The following SIL1 variants were observed in gnomAD, a reference collection of about 807,000 sequenced individuals.
SIL1 encodes the protein nucleotide exchange factor SIL1.
A neutral mutation model predicts 49.1 loss-of-function variants in SIL1; 40 were observed. The observed-to-expected ratio is 0.81, with a 90% CI of 0.63 to 1.06. The LOEUF (loss-of-function observed/expected upper bound fraction) is 1.06, where lower values mean the gene tolerates loss of function less well. SIL1 is among the 50% of genes least tolerant of loss of function. SIL1 has a pLI of 0.00. For synonymous variants in SIL1, 253 were observed against 250.8 expected (o/e 1.01, Z -0.08); for missense variants, 500 against 572.6 (o/e 0.87, Z 1.29).
At chr5:139,143,602 C>T (rs1430731212) in intron 1 of SIL1, among the ~76,000 whole-genome samples, 1 of 151,778 alleles carries the variant, frequency 6.6e-6, no homozygotes, top group African/African-American at 2.4e-5. Context: ...GAACTCCTGA[C>T]CTCAGGCAAT....
intron 1 of SIL1, among the ~76,000 whole-genome samples, chr5:139,169,874 G>GTCTCCCTCTGCCTCTTTCCACGGTCTCCC (rs1751705909): frequency 1.3e-5 from 2 of 151,056 alleles, no homozygotes; most frequent in Non-Finnish European, 3.0e-5. Context: ...TCTTTCCACG[G>GTCTCCCTCTGCCTCTTTCCACGGTCTCCC]TCTCCCTCTC....
intron 7 of SIL1, chr5:139,017,060 C>A (rs1443197086): frequency 6.6e-6 from 1 of 152,300 alleles, no homozygotes; most frequent in Non-Finnish European, 1.5e-5. Context: ...CCATGTTGCC[C>A]AGGTTGGTCT....
In SIL1 at chr5:139,037,411, T is replaced by C. The variant is rs141871625; in HGVS notation, c.453+5209A>G. The stretch of plus-strand genomic sequence containing the variant: ...ACCACATTTGGGAATTTGTTAGCCC[T>C]TGTTTCTTGATTATTTTCTAGCCCC... On this transcript the variant is annotated intron_variant, in intron 5 of 9. Transcript: ENST00000394817. Among the ~76,000 whole-genome samples, 503 of 152,316 alleles carry C rather than the reference T, an allele frequency of 3.3e-3. 2 individuals are homozygous for C. The highest frequency in any genetic ancestry group is 0.012 in the African/African-American group (489 of 41,572).
intron 3 of SIL1, among the ~76,000 whole-genome samples, chr5:139,112,820 G>A (rs1157595098): frequency 2.0e-5 from 3 of 152,168 alleles, no homozygotes; most frequent in Non-Finnish European, 4.4e-5. Flanking sequence ...CATTGAGAAC[G>A]GGCCATGATG....
chr5:139,000,250 AATGTGAC>A (rs1285953749), intron 7 of SIL1, among the ~76,000 whole-genome samples: 2 of 152,200 alleles, frequency 1.3e-5, no homozygotes, highest in East Asian at 3.8e-4. Context: ...TGATTCTGGT[AATGTGAC>A]ATATCACATT....
chr5:138,951,405 C>A (rs1766774986), intron 8 of SIL1, 70 bp from the exon 9 acceptor site: 1 of 1,500,324 alleles, frequency 6.7e-7, no homozygotes, highest in South Asian at 1.2e-5. Flanking sequence ...CCAGGGAAGG[C>A]AGGCAGAGGT....
intron 1 of SIL1, among the ~76,000 whole-genome samples, chr5:139,180,792 T>C (rs1018484946): frequency 6.6e-6 from 1 of 152,168 alleles, no homozygotes; most frequent in Non-Finnish European, 1.5e-5. Flanking sequence ...TCCTGCAGTG[T>C]AGCATGCCTT....
chr5:139,040,488 TTTCTTTTTTC>T lies in SIL1; in HGVS notation c.453+2122_453+2131del, dbSNP rs1435902636. Among the ~76,000 whole-genome samples the T allele has an allele frequency of 1.5e-4, 17 of 109,800 alleles. 1 individual carries two copies. Among genetic ancestry groups the T allele is most frequent in the Admixed American group, 1.1e-3 (11 of 10,000 alleles). 72.0% of individuals were successfully genotyped at this position (109,800 alleles called of 152,430 possible). On this transcript the variant is annotated intron_variant, in intron 5 of 9. Coordinates refer to ENST00000394817, the MANE Select transcript of SIL1 (RefSeq NM_022464.5). Reference sequence around the variant, plus strand: ...AAGGGGAGAGGAGTATTTTTTCTTTTTTCTTTTTTCTTTTTTTTTTTTTTTTTGAGACAGA... The same window carrying T: ...AAGGGGAGAGGAGTATTTTTTCTTTTTTTTTTTTTTTTTTTTTGAGACAGA...
At chr5:138,949,257 C>T (rs1766708179) in intron 9 of SIL1, among the ~76,000 whole-genome samples, 1 of 152,192 alleles carries the variant, frequency 6.6e-6, no homozygotes, top group African/African-American at 2.4e-5. Context: ...TGCAGAAGCC[C>T]AGATGTCAGG....
At chr5:139,175,148 C>T (rs1751853835) in intron 1 of SIL1, among the ~76,000 whole-genome samples, 1 of 152,040 alleles carries the variant, frequency 6.6e-6, no homozygotes, top group Non-Finnish European at 1.5e-5. Flanking sequence ...ATGGCAAAAC[C>T]CCGTCTCTAC....
At chr5:139,057,479 C>T (rs865865435) in intron 3 of SIL1, among the ~76,000 whole-genome samples, 1 of 151,880 alleles carries the variant, frequency 6.6e-6, no homozygotes, top group Admixed American at 6.6e-5. Context: ...GACTTTGTAC[C>T]CCCACCTGCC....
intron 3 of SIL1, among the ~76,000 whole-genome samples, chr5:139,118,444 A>G (rs1771045667): frequency 6.6e-6 from 1 of 152,128 alleles, no homozygotes; most frequent in South Asian, 2.1e-4. Context: ...ACTCCATACA[A>G]CAGCCTCCGC....
At chr5:139,121,758 A>T (rs545034510) in intron 2 of SIL1, among the ~76,000 whole-genome samples, 1 of 152,102 alleles carries the variant, frequency 6.6e-6, no homozygotes, top group Non-Finnish European at 1.5e-5. Flanking sequence ...AGTGGGAAGG[A>T]GAGAATCCAG....
At chr5:139,033,176 G>T (rs1046276239) in intron 5 of SIL1, among the ~76,000 whole-genome samples, 4 of 151,770 alleles carry the variant, frequency 2.6e-5, no homozygotes, top group Admixed American at 2.0e-4. Context: ...TTTACTTTTA[G>T]TAGAGAAGGG....
At chr5:139,120,105 C>T (rs886818055) in intron 3 of SIL1, among the ~76,000 whole-genome samples, 1 of 152,244 alleles carries the variant, frequency 6.6e-6, no homozygotes, top group Non-Finnish European at 1.5e-5. Flanking sequence ...GCAAATGCTG[C>T]CCTGCCAGCA....
intron 1 of SIL1, among the ~76,000 whole-genome samples, chr5:139,141,898 G>T (rs1751087058): frequency 6.6e-6 from 1 of 152,134 alleles, no homozygotes; most frequent in South Asian, 2.1e-4. Context: ...CAGCTGACTT[G>T]TTCTGATCTC....
At chr5:139,097,388 T>C (rs1307142159) in intron 3 of SIL1, among the ~76,000 whole-genome samples, 1 of 151,928 alleles carries the variant, frequency 6.6e-6, no homozygotes, top group African/African-American at 2.4e-5. Context: ...GGTTACAGCA[T>C]TGGAATAACT....
At chr5:138,954,169 C>T (rs1766848936) in intron 7 of SIL1, among the ~76,000 whole-genome samples, 1 of 152,244 alleles carries the variant, frequency 6.6e-6, no homozygotes. Flanking sequence ...AGGCTCTTCC[C>T]ACCCCATTTA....
At chr5:139,059,890 A>G (rs1042204120) in intron 3 of SIL1, among the ~76,000 whole-genome samples, 2 of 152,172 alleles carry the variant, frequency 1.3e-5, no homozygotes, top group Admixed American at 6.5e-5. Flanking sequence ...CTTATTATCT[A>G]CAATATATTT....
Sources: gnomAD v4.1 joint callset for allele counts (sites outside exome capture counted in the v4.1 genomes callset) on GRCh38, gnomAD v4.1.1 for gene constraint, MANE v1.5 for transcripts, NCBI Gene and HGNC (gene_info 2026-07-23, HGNC 2026-07-21) for gene names.